The following ZHX2 variants were observed in gnomAD, a reference collection of about 807,000 sequenced individuals.
ZHX2 encodes the protein zinc fingers and homeoboxes 2.
ZHX2 carries 6 observed loss-of-function variants against 21.9 expected under a neutral mutation model. The ratio of observed to expected loss-of-function variants is 0.27; its 90% CI spans 0.15 to 0.54. ZHX2 has a LOEUF of 0.54. ZHX2 is among the 20% of genes least tolerant of loss of function. The probability of loss-of-function intolerance (pLI) is 0.95; values close to 1 mark genes in which losing one functional copy is unlikely to be tolerated. For synonymous variants in ZHX2, 434 were observed against 437.1 expected (o/e 0.99, Z 0.09); for missense variants, 908 against 1,090.7 (o/e 0.83, Z 2.36).
Position 122,953,090 on chromosome 8 carries a change from A to G in ZHX2, c.1580A>G (p.Asp527Gly), listed in dbSNP as rs886220432. ...RHGRTYHAYP[D>G]FAPQKFKEKT... ...GGTCGCACGTATCATGCGTACCCAG[A>G]CTTTGCCCCCCAGAAGTTCAAAGAG... Residue 527 changes from aspartate to glycine, a missense_variant, in exon 3 of 4, where the codon GAC (aspartate) becomes GGC (glycine). Asp to Gly is a moderately conservative substitution (Grantham distance 94). Transcript: ENST00000314393. The surrounding 1 kb of genome is among the most constrained non-coding windows in gnomAD (Gnocchi z 4.6). 1.2e-6 allele frequency: 2 copies of G among 1,613,752 alleles called. No individual in the cohort carries two copies. Among genetic ancestry groups the G allele is most frequent in the African/African-American group, 1.3e-5 (1 of 74,842 alleles).
At chr8:122,798,676 G>A (rs1292009887) in intron 1 of ZHX2, among the ~76,000 whole-genome samples, 2 of 151,958 alleles carry the variant, frequency 1.3e-5, no homozygotes, top group East Asian at 1.9e-4. Context: ...CCAGCTACTC[G>A]GGAGGCTGTG....
At position 122,951,411 on chromosome 8, in the gene ZHX2, G is replaced by A. The variant is rs1813105640; in HGVS notation, c.-100G>A. 9.4e-7 allele frequency: 1 copy of A among 1,058,652 alleles called. No homozygotes were observed. Among genetic ancestry groups the A allele is most frequent in the Non-Finnish European group, 1.3e-6 (1 of 745,004 alleles). 65.6% of individuals were successfully genotyped at this position (1,058,652 alleles called of 1,614,324 possible). On this transcript the variant is annotated 5_prime_UTR_variant, in exon 3 of 4. Coordinates refer to ENST00000314393, the MANE Select transcript of ZHX2 (RefSeq NM_014943.5). ...AAGGAAAGCCAAAGCCATTTGAGGG[G>A]GAATAAAGCCAAAAGCCTTTCACCT...
intron 2 of ZHX2, among the ~76,000 whole-genome samples, chr8:122,937,874 G>A (rs1351750528): frequency 2.0e-5 from 3 of 150,084 alleles, no homozygotes; most frequent in South Asian, 2.1e-4. Flanking sequence ...GAGCCACCGC[G>A]CCCAGCCGGA....
chr8:122,825,809 A>G (rs1818252190), intron 1 of ZHX2, among the ~76,000 whole-genome samples: 1 of 152,188 alleles, frequency 6.6e-6, no homozygotes, highest in South Asian at 2.1e-4. Flanking sequence ...AAGCAGGACA[A>G]TGTCATTTGT....
chr8:122,855,966 A>C lies in ZHX2; in HGVS notation c.-282-7511A>C, dbSNP rs148729660. ...GAAGCTGAACTGGCATCTATTAAGC[A>C]CCTAGATGTACCCCATGAGCAGGGA... is the stretch of plus-strand genomic sequence containing the variant. On this transcript the variant is annotated intron_variant, in intron 1 of 3. Coordinates refer to ENST00000314393, the MANE Select transcript of ZHX2 (RefSeq NM_014943.5). Among the ~76,000 whole-genome samples, 722 of 152,294 alleles carry C rather than the reference A, an allele frequency of 4.7e-3. 2 individuals carry two copies. The highest frequency in any genetic ancestry group is 0.014 in the Middle Eastern group (4 of 294).
chr8:122,793,434 A>G (rs776580154), intron 1 of ZHX2, among the ~76,000 whole-genome samples: 13 of 152,034 alleles, frequency 8.6e-5, no homozygotes, highest in Non-Finnish European at 1.6e-4. Flanking sequence ...GGCTGTAGAC[A>G]CTCCATGCCT....
chr8:122,937,412 T>A (rs1812724585), intron 2 of ZHX2, among the ~76,000 whole-genome samples: 1 of 152,104 alleles, frequency 6.6e-6, no homozygotes. Flanking sequence ...ATATGTTAAA[T>A]CTGAGGTCTA....
At chr8:122,941,312 G>A (rs181974934) in intron 2 of ZHX2, among the ~76,000 whole-genome samples, 1 of 152,274 alleles carries the variant, frequency 6.6e-6, no homozygotes, top group Non-Finnish European at 1.5e-5. Context: ...GGTTTCCTTG[G>A]TCAACAAACC....
At chr8:122,802,693 G>A (rs951846834) in intron 1 of ZHX2, among the ~76,000 whole-genome samples, 1 of 152,210 alleles carries the variant, frequency 6.6e-6, no homozygotes, top group Admixed American at 6.5e-5. Flanking sequence ...TTCAGGAAAG[G>A]GAAAGAGAAA....
chr8:122,865,046 G>T (rs1049638243), intron 2 of ZHX2, among the ~76,000 whole-genome samples: 1 of 152,122 alleles, frequency 6.6e-6, no homozygotes, highest in Non-Finnish European at 1.5e-5. Context: ...GTTGTGCACA[G>T]GCTGTATATT....
chr8:122,792,729 A>G (rs1487200499), intron 1 of ZHX2, among the ~76,000 whole-genome samples: 1 of 152,140 alleles, frequency 6.6e-6, no homozygotes, highest in Non-Finnish European at 1.5e-5. Flanking sequence ...AGACACACAC[A>G]CATGCCTGGT....
At chr8:122,889,097 A>G (rs1179855987) in intron 2 of ZHX2, among the ~76,000 whole-genome samples, 1 of 152,176 alleles carries the variant, frequency 6.6e-6, no homozygotes, top group East Asian at 1.9e-4. Flanking sequence ...ACTGAATAGT[A>G]TTTTTGATAC....
At chr8:122,945,320 T>C (rs1812942391) in intron 2 of ZHX2, among the ~76,000 whole-genome samples, 1 of 150,396 alleles carries the variant, frequency 6.6e-6, no homozygotes, top group South Asian at 2.1e-4. Flanking sequence ...GGGAGGGTAA[T>C]GATGGAAGAA....
Position 122,973,665 on chromosome 8 carries a change from A to C in ZHX2, c.*428A>C, listed in dbSNP as rs1282482809. 2 of 150,466 alleles carry C rather than the reference A, an allele frequency of 1.3e-5. No homozygotes were observed. The highest frequency in any genetic ancestry group is 3.0e-5 in the Non-Finnish European group (2 of 67,440). The allele number at this position is 150,466 out of a possible 1,614,324, so 9.3% of individuals were successfully genotyped here. On this transcript the variant is annotated 3_prime_UTR_variant, in exon 4 of 4. Transcript: ENST00000314393. ...TCTCTTTTCTCTTTTTCTTTTTTTT[A>C]TTTTTGTTTTATTAATTTGGGGAAA...
chr8:122,965,472 G>A (rs1008361358), intron 3 of ZHX2, among the ~76,000 whole-genome samples: 4 of 151,976 alleles, frequency 2.6e-5, no homozygotes, highest in African/African-American at 4.8e-5. Flanking sequence ...TGTTCCTTTC[G>A]GAGTTAATTT....
At chr8:122,815,538 A>T (rs1360004678) in intron 1 of ZHX2, 1 of 156,888 alleles carries the variant, frequency 6.4e-6, no homozygotes, top group East Asian at 1.8e-4. Flanking sequence ...TCTTATGAAT[A>T]AGCAAAGAAA....
chr8:122,952,002 C>T lies in ZHX2; in HGVS notation c.492C>T (p.Ser164=). 6.2e-7 allele frequency: 1 copy of T among 1,613,796 alleles called. No individual in the cohort carries two copies. The highest frequency in any genetic ancestry group is 1.1e-5 in the South Asian group (1 of 91,032). ...QSIETTNHVV[S]ITTSGPGTGD... Reference sequence around the variant, plus strand: ...TCGAAACCACCAACCATGTCGTGTCCATCACCACCAGTGGCCCTGGAACTG... The same window carrying T: ...TCGAAACCACCAACCATGTCGTGTCTATCACCACCAGTGGCCCTGGAACTG... The change falls in exon 3 of 4, where the codon TCC becomes TCT. Residue 164 remains serine, a synonymous_variant. Coordinates refer to ENST00000314393, the MANE Select transcript of ZHX2 (RefSeq NM_014943.5). This position sits in a 1 kb window ranked among gnomAD's most constrained non-coding sequence, Gnocchi z 6.9.
intron 2 of ZHX2, among the ~76,000 whole-genome samples, chr8:122,940,162 A>T (rs2130200372): frequency 6.6e-6 from 1 of 152,318 alleles, no homozygotes; most frequent in Middle Eastern, 3.4e-3. Flanking sequence ...GACTCCTAGT[A>T]AGTAATGAAG....
At chr8:122,925,935 T>G (rs745977361) in intron 2 of ZHX2, among the ~76,000 whole-genome samples, 20 of 151,330 alleles carry the variant, frequency 1.3e-4, no homozygotes, top group Non-Finnish European at 2.7e-4. Flanking sequence ...TGGGACAGAG[T>G]GGGGGGGCAC....
Sources: allele counts gnomAD v4.1 joint callset (sites outside exome capture counted in the v4.1 genomes callset), GRCh38; gene constraint gnomAD v4.1.1; non-coding constraint Gnocchi (gnomAD v3.1); transcripts MANE v1.5; gene names NCBI Gene and HGNC (gene_info 2026-07-23, HGNC 2026-07-21).